Variants in TBX15 observed in about 807,000 individuals in gnomAD.
The protein encoded by TBX15 is T-box transcription factor 15.
Under a neutral mutation model 53.9 loss-of-function variants are expected in TBX15, and 18 were observed. The observed-to-expected ratio is 0.33, with a 90% CI of 0.23 to 0.49. The LOEUF is 0.49. Among genes scored for constraint, TBX15 ranks in the 20% least tolerant of loss-of-function variants. The pLI, the probability that TBX15 is intolerant of heterozygous loss-of-function variation, is 0.98. For synonymous variants in TBX15, 295 were observed against 278.0 expected, an observed-to-expected ratio of 1.06 and a Z score of -0.61; for missense variants, 692 against 749.5, an observed-to-expected ratio of 0.92 and a Z score of 0.90.
intron 1 of TBX15, among the ~76,000 whole-genome samples, chr1:118,983,721 G>A (rs1356434083): frequency 1.3e-5 from 2 of 152,196 alleles, no homozygotes; most frequent in Non-Finnish European, 2.9e-5. Context: ...GGCGTGCACG[G>A]CAGAGACAAA....
At chr1:118,987,113 T>C (rs759319797) in intron 1 of TBX15, among the ~76,000 whole-genome samples, 15 of 152,134 alleles carry the variant, frequency 9.9e-5, no homozygotes, top group Non-Finnish European at 2.2e-4. Context: ...ATCGAAAAGT[T>C]GGTGGGAGAA....
intron 5 of TBX15, among the ~76,000 whole-genome samples, chr1:118,922,756 C>T (rs1655464943): frequency 6.6e-6 from 1 of 152,144 alleles, no homozygotes; most frequent in South Asian, 2.1e-4. Flanking sequence ...ATGCTTAGTC[C>T]TCTTTCATTG....
intron 7 of TBX15, among the ~76,000 whole-genome samples, chr1:118,893,191 A>T (rs1654212721): frequency 6.6e-6 from 1 of 151,358 alleles, no homozygotes; most frequent in African/African-American, 2.4e-5. Context: ...GTGAGCCGAG[A>T]TGGTACCACT....
Position 118,884,605 on chromosome 1 carries a change from GAAAAAAA to G in TBX15, c.*120_*126del. On this transcript the variant is annotated 3_prime_UTR_variant, in exon 8 of 8. Transcript: ENST00000369429. ...GTTCTTGGGTATATGTCTTCGGCCA[GAAAAAAA>G]AAAAAAAAAAAAACACGGTTCCTGT... 1.0e-5 allele frequency: 8 copies of G among 768,318 alleles called. No individual in the cohort carries two copies. Among genetic ancestry groups the G allele is most frequent in the Non-Finnish European group, 1.1e-5 (6 of 531,492 alleles). 47.6% of individuals were successfully genotyped at this position (768,318 alleles called of 1,614,324 possible). A position where few individuals can be genotyped will look rare whatever the true frequency, so the allele number is the denominator to read the frequency against.
rs1571219284 is a variant in TBX15, at chr1:118,978,160, A to G, written c.205+9431T>C. Among the ~76,000 whole-genome samples the G allele has an allele frequency of 2.0e-5, 3 of 152,142 alleles. No individual in the cohort carries two copies. In the East Asian group the frequency reaches 5.8e-4, roughly 29 times the overall value. ...AAGGACTGGAAATCACTGATCCAGG[A>G]CTGTTGAACACGTGATATTAATATA... On this transcript the variant is annotated intron_variant, in intron 1 of 7. Transcript: ENST00000369429.
chr1:118,939,442 A>AAAAAAAAAAAT (rs1656090809), intron 1 of TBX15, among the ~76,000 whole-genome samples: 1 of 140,854 alleles, frequency 7.1e-6, no homozygotes, highest in Non-Finnish European at 1.5e-5. Flanking sequence ...AAAAACAAAA[A>AAAAAAAAAAAT]CAGGAACAGA....
At chr1:118,931,978 C>A (rs570131296) in intron 1 of TBX15, 146 bp from the exon 2 acceptor site, 59 of 692,034 alleles carry the variant, frequency 8.5e-5, no homozygotes, top group Non-Finnish European at 1.2e-4. Flanking sequence ...CAGAGCACAG[C>A]ACTCAGGGTA....
chr1:118,903,934 A>G (rs1031376391), intron 6 of TBX15, among the ~76,000 whole-genome samples: 4 of 152,200 alleles, frequency 2.6e-5, no homozygotes, highest in South Asian at 2.1e-4. Flanking sequence ...GTCAAGGAAG[A>G]TTCCACAAAA....
rs758564566 is a variant in TBX15, at chr1:118,885,502, T to C, written c.1039A>G (p.Thr347Ala). Residue 347 changes from threonine to alanine, a missense_variant, in exon 8 of 8, where the codon ACT becomes GCT. By Grantham distance (58) the Thr-to-Ala change is moderately conservative. Coordinates refer to ENST00000369429, the MANE Select transcript of TBX15 (RefSeq NM_001330677.2). ...MQKQQGGSTG[T>A]SPTTSSTGTP... is the part of the protein sequence containing the mutation. ...CCAGTGCTGGAGGTGGTTGGGGAAGTGCCTGTGCTGCCTCCTGAAAAATAA... is the reference window on the plus strand; with the variant it reads ...CCAGTGCTGGAGGTGGTTGGGGAAGCGCCTGTGCTGCCTCCTGAAAAATAA... The C allele has an allele frequency of 2.5e-6, 4 of 1,590,006 alleles. No homozygotes were observed. The highest frequency in any genetic ancestry group is 3.4e-6 in the Non-Finnish European group (4 of 1,166,460).
At chr1:118,894,314 A>G (rs1215987244) in intron 7 of TBX15, among the ~76,000 whole-genome samples, 1 of 152,196 alleles carries the variant, frequency 6.6e-6, no homozygotes, top group African/African-American at 2.4e-5. Flanking sequence ...TAAGCACTTT[A>G]CATTCATTAA....
chr1:118,896,204 T>C lies in TBX15; in HGVS notation c.1024+2824A>G, dbSNP rs189828314. ...GCCAAAACACTGGACACCCCTGTAC[T>C]AGACTGTGTCATGCCTCAGTTTCTT... On this transcript the variant is annotated intron_variant, in intron 7 of 7. Coordinates refer to ENST00000369429, the MANE Select transcript of TBX15 (RefSeq NM_001330677.2). Among the ~76,000 whole-genome samples, 157 of 152,304 alleles carry C rather than the reference T, an allele frequency of 1.0e-3. 1 individual carries two copies. The highest frequency in any genetic ancestry group is 6.8e-3 in the Middle Eastern group (2 of 294).
intron 6 of TBX15, among the ~76,000 whole-genome samples, chr1:118,905,689 A>AT (rs565779092): frequency 1.4e-4 from 21 of 152,264 alleles, no homozygotes; most frequent in East Asian, 1.4e-3. Context: ...GGTTTGCAAA[A>AT]TTTTGGGGGG....
intron 1 of TBX15, among the ~76,000 whole-genome samples, chr1:118,972,895 C>G (rs988897080): frequency 5.3e-5 from 8 of 152,110 alleles, no homozygotes; most frequent in African/African-American, 1.9e-4. Flanking sequence ...CCACCATGCC[C>G]GGCCAAATGG....
intron 1 of TBX15, among the ~76,000 whole-genome samples, chr1:118,984,504 G>T (rs894730491): frequency 6.7e-6 from 1 of 148,238 alleles, no homozygotes; most frequent in Non-Finnish European, 1.5e-5. Flanking sequence ...AAATATACTT[G>T]CAAGGCCGCA....
chr1:118,901,490 C>A, intron 6 of TBX15: 1 of 449,372 alleles, frequency 2.2e-6, no homozygotes, highest in Non-Finnish European at 4.5e-6. Flanking sequence ...GTTTCATTTT[C>A]ATAATAGGCA....
chr1:118,886,892 G>A (rs1320937814), intron 7 of TBX15, among the ~76,000 whole-genome samples: 1 of 152,168 alleles, frequency 6.6e-6, no homozygotes, highest in African/African-American at 2.4e-5. Flanking sequence ...TGAACGAGTT[G>A]ATCTTATGAT....
At chr1:118,905,201 A>G (rs1654772317) in intron 6 of TBX15, among the ~76,000 whole-genome samples, 1 of 152,146 alleles carries the variant, frequency 6.6e-6, no homozygotes, top group African/African-American at 2.4e-5. Flanking sequence ...TATGGTACCT[A>G]ATTCCATTTT....
At chr1:118,887,287 G>A (rs1225018141) in intron 7 of TBX15, among the ~76,000 whole-genome samples, 1 of 152,104 alleles carries the variant, frequency 6.6e-6, no homozygotes, top group Non-Finnish European at 1.5e-5. Context: ...ACTCATTTTG[G>A]GACTCTTAGA....
intron 1 of TBX15, among the ~76,000 whole-genome samples, chr1:118,960,407 C>T (rs968524303): frequency 6.6e-6 from 1 of 152,232 alleles, no homozygotes; most frequent in African/African-American, 2.4e-5. Flanking sequence ...CAGCTCTTCA[C>T]TGCCCTTGCA....
Sources: allele counts gnomAD v4.1 joint callset (sites outside exome capture counted in the v4.1 genomes callset), GRCh38; gene constraint gnomAD v4.1.1; transcripts MANE v1.5; gene names NCBI Gene and HGNC (gene_info 2026-07-23, HGNC 2026-07-21).